The following TRIM2 variants were observed in gnomAD, a reference collection of about 807,000 sequenced individuals.
TRIM2 encodes tripartite motif containing 2.
A neutral mutation model predicts 75.2 loss-of-function variants in TRIM2; 20 were observed. The ratio of observed to expected loss-of-function variants is 0.27; its 90% confidence interval spans 0.19 to 0.39. The LOEUF is 0.39. TRIM2 is among the 10% of genes least tolerant of loss of function. TRIM2 has a pLI of 1.00. For synonymous variants in TRIM2, 373 were observed against 388.3 expected (o/e 0.96, Z 0.46); for missense variants, 660 against 990.8 (o/e 0.67, Z 4.48).
chr4:153,205,913 G>A (rs551813174), intron 1 of TRIM2, among the ~76,000 whole-genome samples: 1 of 152,182 alleles, frequency 6.6e-6, no homozygotes, highest in Non-Finnish European at 1.5e-5. Context: ...CTCCTGGTGC[G>A]GTCCTAGAGC....
intron 1 of TRIM2, among the ~76,000 whole-genome samples, chr4:153,241,283 C>A (rs1043415630): frequency 6.6e-6 from 1 of 152,172 alleles, no homozygotes; most frequent in Non-Finnish European, 1.5e-5. Flanking sequence ...CAGCGTTGAT[C>A]ACACAGCTCT....
At chr4:153,297,201 T>A (rs1252526761) in intron 6 of TRIM2, among the ~76,000 whole-genome samples, 1 of 152,090 alleles carries the variant, frequency 6.6e-6, no homozygotes, top group African/African-American at 2.4e-5. Context: ...GCAAAGACGG[T>A]GATATGATAT....
At chr4:153,177,893 C>G (rs890699351) in intron 1 of TRIM2, among the ~76,000 whole-genome samples, 2 of 152,010 alleles carry the variant, frequency 1.3e-5, no homozygotes, top group Non-Finnish European at 2.9e-5. Flanking sequence ...CCTCCACCTC[C>G]AGGACTCCAG....
At chr4:153,234,203 A>T (rs1226081733) in intron 1 of TRIM2, among the ~76,000 whole-genome samples, 1 of 152,164 alleles carries the variant, frequency 6.6e-6, no homozygotes, top group East Asian at 1.9e-4. Context: ...AATTCTCATC[A>T]TTTTATGCTC....
intron 6 of TRIM2, among the ~76,000 whole-genome samples, chr4:153,301,859 ACC>A (rs1204756963): frequency 6.6e-6 from 1 of 152,250 alleles, no homozygotes; most frequent in Admixed American, 6.5e-5. Flanking sequence ...TTAAGCCAGT[ACC>A]ATGCTGTTTT....
intron 10 of TRIM2, among the ~76,000 whole-genome samples, chr4:153,327,516 T>C (rs1420076923): frequency 6.6e-6 from 1 of 152,212 alleles, no homozygotes; most frequent in Non-Finnish European, 1.5e-5. Context: ...TTCAGATTTG[T>C]CAATGAATAT....
At position 153,172,356 on chromosome 4, in the gene TRIM2, T is replaced by A. The variant is rs181534647; in HGVS notation, c.-49+19086T>A. ...GCGCCCGCCACCGCGCCCGGCTAAT[T>A]TTTTGTATTTTTAGTAGAGATGGGG... On this transcript the variant is annotated intron_variant, in intron 1 of 11. Transcript: ENST00000437508. 4.3e-4 allele frequency among the ~76,000 whole-genome samples: 66 copies of A among 152,046 alleles called. 1 individual carries two copies. The highest frequency in any genetic ancestry group is 1.5e-3 in the African/African-American group (63 of 41,454).
intron 11 of TRIM2, among the ~76,000 whole-genome samples, chr4:153,332,402 T>C (rs543063167): frequency 1.2e-3 from 181 of 152,312 alleles, no homozygotes; most frequent in African/African-American, 4.0e-3. Context: ...CCCAGCACTT[T>C]GGGAGGCCAA....
chr4:153,305,963 C>T (rs771506866), intron 6 of TRIM2, among the ~76,000 whole-genome samples: 8 of 151,980 alleles, frequency 5.3e-5, no homozygotes, highest in East Asian at 1.9e-4. Context: ...GGTGAAACCC[C>T]GTCTCTACTA....
At chr4:153,247,995 G>GTT (rs34416658) in intron 1 of TRIM2, among the ~76,000 whole-genome samples, 1,655 of 128,692 alleles carry the variant, frequency 0.013, 66 homozygotes, top group African/African-American at 0.04. Context: ...TGGATCATGT[G>GTT]TTTTTTTTTT....
intron 1 of TRIM2, among the ~76,000 whole-genome samples, chr4:153,246,221 A>T (rs909319887): frequency 2.6e-5 from 4 of 152,210 alleles, no homozygotes; most frequent in Non-Finnish European, 5.9e-5. Flanking sequence ...TAACAACCCT[A>T]TAAAAAGTAT....
At chr4:153,179,366 G>T (rs974445944) in intron 1 of TRIM2, among the ~76,000 whole-genome samples, 1 of 150,076 alleles carries the variant, frequency 6.7e-6, no homozygotes, top group African/African-American at 2.4e-5. Flanking sequence ...AATATTTAAT[G>T]TTAAATATTA....
At chr4:153,270,271 C>A in intron 1 of TRIM2, 64 bp from the exon 2 acceptor site, 2 of 1,527,616 alleles carry the variant, frequency 1.3e-6, no homozygotes, top group East Asian at 2.3e-5. Context: ...GGTGAAAGAG[C>A]CAGTGATTGA....
chr4:153,258,506 T>G (rs1006828871), intron 1 of TRIM2, among the ~76,000 whole-genome samples: 1 of 152,178 alleles, frequency 6.6e-6, no homozygotes, highest in Non-Finnish European at 1.5e-5. Context: ...TGCCCCACCC[T>G]GACATTATTC....
At chr4:153,205,027 A>G (rs1002997873) in intron 1 of TRIM2, among the ~76,000 whole-genome samples, 2 of 152,222 alleles carry the variant, frequency 1.3e-5, no homozygotes, top group Non-Finnish European at 2.9e-5. Context: ...CTTGCATGTT[A>G]TAAATAGGTC....
Position 153,270,770 on chromosome 4 carries a change from T to C in TRIM2, c.215+251T>C, listed in dbSNP as rs549757112. 1.2e-4 allele frequency among the ~76,000 whole-genome samples: 19 copies of C among 152,362 alleles called. No homozygotes were observed. The East Asian group carries it at 2.5e-3, about 20-fold the overall frequency. ...AGAGATGGAGCATTAAATAAGAATG[T>C]TAAGTTGAAAAATCTTTTAAAACTT... On this transcript the variant is annotated intron_variant, in intron 2 of 11. Coordinates refer to ENST00000338700, the MANE Select transcript of TRIM2 (RefSeq NM_015271.5).
In TRIM2 at chr4:153,295,733, G is replaced by T; in HGVS notation, c.1207G>T (p.Val403Leu). The stretch of plus-strand genomic sequence containing the variant: ...CGAACTGAGCACCCCCGACGGGAGC[G>T]TGGCAGACGGGGAGATCCTGGACAA... ...TAELSTPDGS[V>L]ADGEILDNKN... The change falls in exon 6 of 12, where the codon GTG (valine) becomes TTG (leucine). Residue 403 changes from valine (V) to leucine (L), a missense_variant. By Grantham distance (32) the Val-to-Leu change is conservative. Coordinates refer to ENST00000338700, the MANE Select transcript of TRIM2 (RefSeq NM_015271.5). The surrounding 1 kb of genome is among the most constrained non-coding windows in gnomAD (Gnocchi z 7.2). The T allele has an allele frequency of 6.2e-7, 1 of 1,614,032 alleles. No individual in the cohort carries two copies. Among genetic ancestry groups the T allele is most frequent in the Non-Finnish European group, 8.5e-7 (1 of 1,179,972 alleles).
rs1762601654 is a variant in TRIM2, at chr4:153,295,557, C to T, written c.1031C>T (p.Thr344Met). The T allele has an allele frequency of 1.9e-6, 3 of 1,613,176 alleles. No homozygotes were observed. The highest frequency in any genetic ancestry group is 2.7e-5 in the African/African-American group (2 of 74,892). Residue 344 changes from threonine to methionine, a missense_variant, in exon 6 of 12, where the codon ACG becomes ATG. This residue lies in a region of TRIM2 where 620 missense variants were observed against 891.0 expected (regional missense o/e 0.70). Coordinates refer to ENST00000338700, the MANE Select transcript of TRIM2 (RefSeq NM_015271.5). This position sits in a 1 kb window ranked among gnomAD's most constrained non-coding sequence, Gnocchi z 7.2. ...GLKKSIHNLG[T>M]ILTTNAVASE... The stretch of plus-strand genomic sequence containing the variant: ...AAGAAGTCCATCCACAACCTCGGGA[C>T]GATCTTAACCACCAACGCCGTTGCC...
intron 1 of TRIM2, among the ~76,000 whole-genome samples, chr4:153,176,446 C>T (rs1005175872): frequency 2.0e-5 from 3 of 150,412 alleles, no homozygotes; most frequent in African/African-American, 7.3e-5. Context: ...GAGTGAGATC[C>T]TGTGTCAAAA....
Sources: allele counts gnomAD v4.1 joint callset (sites outside exome capture counted in the v4.1 genomes callset), GRCh38; gene constraint gnomAD v4.1.1; regional missense constraint gnomAD v4.1.1; non-coding constraint Gnocchi (gnomAD v3.1); transcripts MANE v1.5; gene names NCBI Gene and HGNC (gene_info 2026-07-23, HGNC 2026-07-21).